The following PDZD7 variants were observed in gnomAD, a reference collection of about 807,000 sequenced individuals.
PDZD7 encodes the protein PDZ domain-containing protein 7.
A neutral mutation model predicts 84.7 loss-of-function variants in PDZD7; 72 were observed. That is an observed-to-expected ratio of 0.85 (90% CI 0.70 to 1.03). PDZD7 has a LOEUF of 1.03. PDZD7 is among the 50% of genes least tolerant of loss of function. The pLI is 0.00. For missense variants in PDZD7, 1,490 were observed against 1,412.9 expected (o/e 1.05, Z -0.87); for synonymous variants, 594 against 580.7 (o/e 1.02, Z -0.33).
intron 2 of PDZD7, among the ~76,000 whole-genome samples, chr10:101,027,675 A>G (rs949189404): frequency 2.0e-5 from 3 of 152,186 alleles, no homozygotes; most frequent in Non-Finnish European, 4.4e-5. Flanking sequence ...TCATGTCATC[A>G]GATGATCACA....
rs535587839 is a variant in PDZD7, at chr10:101,015,319, AG to A, written c.1749+316del. Among the ~76,000 whole-genome samples, 432 of 152,238 alleles carry A rather than the reference AG, an allele frequency of 2.8e-3. 4 individuals are homozygous for A. Among genetic ancestry groups the A allele is most frequent in the African/African-American group, 9.4e-3 (391 of 41,532 alleles). On this transcript the variant is annotated intron_variant, in intron 11 of 16. Coordinates refer to ENST00000619208, the MANE Select transcript of PDZD7 (RefSeq NM_001195263.2). ...TCTCAGCTTAAATATCACCTCCTCT[AG>A]GAGGGCCTCCCAGCCCACACCATCT...
rs373852176 is a variant in PDZD7 at position 101,008,880 on chromosome 10, CCCT to C, written c.2719-33_2719-31del. ...GGTGGGGTGAGAGAGTCACATCCCT[CCCT>C]CCTCATGTCACCCTGCATCAGCCCC... On this transcript the variant is annotated intron_variant, in intron 16 of 16. Transcript: ENST00000619208. 1.1e-4 allele frequency: 154 copies of C among 1,465,764 alleles called. 2 individuals are homozygous for C. The East Asian group carries it at 3.1e-3, about 30-fold the overall frequency. 90.8% of individuals were successfully genotyped at this position (1,465,764 alleles called of 1,614,324 possible).
rs201727136 is a variant in PDZD7 at position 101,011,753 on chromosome 10, G to A, written c.1942C>T (p.Pro648Ser). 440 of 1,549,080 alleles carry A rather than the reference G, an allele frequency of 2.8e-4. No homozygotes were observed. The highest frequency in any genetic ancestry group is 1.8e-4 in the Admixed American group (9 of 50,988). Residue 648 changes from proline (P) to serine (S), a missense_variant, in exon 14 of 17, where the codon CCT becomes TCT. Physicochemically the swap from Pro to Ser is moderately conservative, Grantham distance 74. Coordinates refer to ENST00000619208, the MANE Select transcript of PDZD7 (RefSeq NM_001195263.2). ...EALKSRAVRP[P>S]ALRPARQDTP... ...TCCTGCCGGGCTGGTCTCAAAGCAG[G>A]AGGCCGGACTGGTTGGAGAGATGAA... is the stretch of plus-strand genomic sequence containing the variant.
rs188383848 is a variant in PDZD7, at chr10:101,024,745, G to A, written c.227-677C>T. On this transcript the variant is annotated intron_variant, in intron 2 of 16. Coordinates refer to ENST00000619208, the MANE Select transcript of PDZD7 (RefSeq NM_001195263.2). ...TGTTCACACCACTGCACTCCAGCCT[G>A]GGTGACAGAGTGAGACCCCTGTCTC... Among the ~76,000 whole-genome samples, 1,039 of 150,458 alleles carry A rather than the reference G, an allele frequency of 6.9e-3. 13 individuals are homozygous for A. The highest frequency in any genetic ancestry group is 0.012 in the Non-Finnish European group (801 of 67,626).
intron 11 of PDZD7, among the ~76,000 whole-genome samples, chr10:101,014,842 G>T (rs892669741): frequency 6.6e-6 from 1 of 152,180 alleles, no homozygotes; most frequent in Non-Finnish European, 1.5e-5. Context: ...GATGAAGGGT[G>T]AGGGAATCCA....
At position 101,030,472 on chromosome 10, in the gene PDZD7, A is replaced by C. The variant is rs1429351552; in HGVS notation, c.-165-88T>G. Reference sequence around the variant, plus strand: ...TTCCACCCCTCCCCCTGGTTTAAGCATCCTGCCCTCCCATGCCTTAGGCCC... The same window carrying C: ...TTCCACCCCTCCCCCTGGTTTAAGCCTCCTGCCCTCCCATGCCTTAGGCCC... On this transcript the variant is annotated intron_variant, in intron 1 of 16. Coordinates refer to ENST00000619208, the MANE Select transcript of PDZD7 (RefSeq NM_001195263.2). 26 of 633,872 alleles carry C rather than the reference A, an allele frequency of 4.1e-5. No homozygotes were observed. The East Asian group carries it at 7.0e-4, about 17-fold the overall frequency. The allele number at this position is 633,872 out of a possible 1,614,324, so 39.3% of individuals were successfully genotyped here.
At chr10:101,019,344 G>A in intron 7 of PDZD7, 127 bp from the exon 8 acceptor site, 3 of 1,201,588 alleles carry the variant, frequency 2.5e-6, no homozygotes, top group Non-Finnish European at 3.4e-6. Context: ...GAACCGCAGT[G>A]GTGAGGAACC....
intron 2 of PDZD7, 32 bp from the exon 3 acceptor site, chr10:101,024,100 T>A: frequency 2.5e-6 from 4 of 1,614,172 alleles, no homozygotes; most frequent in Admixed American, 1.7e-5. Context: ...GATGCCCCCA[T>A]GTTCATTGTG....
chr10:101,027,314 T>A (rs1937778764), intron 2 of PDZD7, among the ~76,000 whole-genome samples: 1 of 137,486 alleles, frequency 7.3e-6, no homozygotes, highest in Non-Finnish European at 1.6e-5. Context: ...CTGTTCCTCA[T>A]GGAGGCCAAG....
rs867086070 is a variant in PDZD7 at position 101,007,810 on chromosome 10, A to T, written c.*657T>A. 5.4e-5 allele frequency: 18 copies of T among 334,302 alleles called. No homozygotes were observed. Among genetic ancestry groups the T allele is most frequent in the East Asian group, 3.4e-4 (2 of 5,880 alleles). 20.7% of individuals were successfully genotyped at this position (334,302 alleles called of 1,614,324 possible). A position where few individuals can be genotyped will look rare whatever the true frequency, so the allele number is the denominator to read the frequency against. On this transcript the variant is annotated 3_prime_UTR_variant, in exon 17 of 17. Coordinates refer to ENST00000619208, the MANE Select transcript of PDZD7 (RefSeq NM_001195263.2). ...CTTGTACAAACCCAAAGAAAAAATT[A>T]AAAAAAATTTTTTTGTTTAAAAATA...
At chr10:101,017,891 GAAAAGAAAGAAAGAAAGAAAGA>G (rs1480807067) in intron 9 of PDZD7, 186 bp downstream of exon 9, 3,856 of 150,144 alleles carry the variant, frequency 0.026, 31 homozygotes, top group Non-Finnish European at 0.034. Context: ...AAGAAAGAAA[GAAAAGAAAGAAAGAAAGAAAGA>G]AAAGAAAGAA....
intron 13 of PDZD7, 34 bp from the exon 14 acceptor site, chr10:101,011,795 T>A: frequency 6.4e-7 from 1 of 1,550,478 alleles, no homozygotes; most frequent in Non-Finnish European, 8.7e-7. Context: ...AGCGGCAAGG[T>A]ACCCCGCCAG....
intron 11 of PDZD7, among the ~76,000 whole-genome samples, chr10:101,012,701 T>G (rs540258733): frequency 6.6e-6 from 1 of 152,178 alleles, no homozygotes; most frequent in Non-Finnish European, 1.5e-5. Flanking sequence ...GAAAAGGATG[T>G]GCAGGGAGTG....
chr10:101,011,167 G>C, intron 14 of PDZD7: 1 of 830,838 alleles, frequency 1.2e-6, no homozygotes, highest in African/African-American at 1.7e-5. Context: ...CAGCCTCCCG[G>C]AGTAGCTGGG....
Position 101,018,081 on chromosome 10 carries a change from G to C in PDZD7, c.1522+18C>G. 3 of 1,614,074 alleles carry C rather than the reference G, an allele frequency of 1.9e-6. No individual in the cohort carries two copies. Among genetic ancestry groups the C allele is most frequent in the Non-Finnish European group, 2.5e-6 (3 of 1,179,984 alleles). ...TGGACTTCACTTTGCCTTCCTGTTT[G>C]ATCAGCCCACTACTTACCTTTCTCT... On this transcript the variant is annotated intron_variant, in intron 9 of 16. Coordinates refer to ENST00000619208, the MANE Select transcript of PDZD7 (RefSeq NM_001195263.2).
At chr10:101,026,663 T>TCACACACACACACACACACA (rs3051194) in intron 2 of PDZD7, among the ~76,000 whole-genome samples, 1 of 123,778 alleles carries the variant, frequency 8.1e-6, no homozygotes, top group African/African-American at 3.2e-5. Flanking sequence ...CAGGGAGAAA[T>TCACACACACACACACACACA]CACACACACA....
chr10:101,011,909 G>T lies in PDZD7; in HGVS notation c.1933+16C>A. ...GCAGGGCTCAGGACCCAGAAGCCCC[G>T]CCCCCCACTGCTGACCTGCCCTGCT... On this transcript the variant is annotated intron_variant, in intron 13 of 16. Transcript: ENST00000619208. The T allele has an allele frequency of 6.5e-7, 1 of 1,549,672 alleles. No individual in the cohort carries two copies. The highest frequency in any genetic ancestry group is 8.7e-7 in the Non-Finnish European group (1 of 1,146,868).
At chr10:101,013,872 TGGA>T (rs1852488750) in intron 11 of PDZD7, among the ~76,000 whole-genome samples, 1 of 145,696 alleles carries the variant, frequency 6.9e-6, no homozygotes, top group Non-Finnish European at 1.5e-5. Flanking sequence ...TTTTTTGAGA[TGGA>T]TTTTCGCTCT....
At chr10:101,030,823 GAC>G (rs971928372) in intron 1 of PDZD7, 5 of 174,266 alleles carry the variant, frequency 2.9e-5, no homozygotes, top group African/African-American at 1.2e-4. Flanking sequence ...AGGGCTTCAG[GAC>G]CTTAGACAGC....
Sources: gnomAD v4.1 joint callset for allele counts (sites outside exome capture counted in the v4.1 genomes callset) on GRCh38, gnomAD v4.1.1 for gene constraint, MANE v1.5 for transcripts, NCBI Gene and HGNC (gene_info 2026-07-23, HGNC 2026-07-21) for gene names.